Variants in GBF1 observed in about 807,000 individuals in gnomAD.
GBF1 encodes the protein Golgi-specific brefeldin A-resistance guanine nucleotide exchange factor 1.
Under a neutral mutation model 210.5 loss-of-function variants are expected in GBF1, and 114 were observed. The observed-to-expected ratio is 0.54, with a 90% CI of 0.47 to 0.63. The LOEUF (loss-of-function observed/expected upper bound fraction) is 0.63, where lower values mean the gene tolerates loss of function less well. Among genes scored for constraint, GBF1 ranks in the 30% least tolerant of loss-of-function variants. GBF1 has a pLI of 0.00. For missense variants in GBF1, 1,851 were observed against 2,357.7 expected, an observed-to-expected ratio of 0.79 and a Z score of 4.45; for synonymous variants, 850 against 889.2, an observed-to-expected ratio of 0.96 and a Z score of 0.78.
intron 3 of GBF1, among the ~76,000 whole-genome samples, chr10:102,324,374 G>A (rs563497007): frequency 4.6e-5 from 7 of 152,316 alleles, no homozygotes; most frequent in Admixed American, 3.3e-4. Flanking sequence ...TGTAGGGAAT[G>A]CCAGGGGCTA....
At chr10:102,276,539 A>C (rs1209673132) in intron 3 of GBF1, among the ~76,000 whole-genome samples, 2 of 151,988 alleles carry the variant, frequency 1.3e-5, no homozygotes, top group African/African-American at 4.8e-5. Flanking sequence ...AAAAAAAAAA[A>C]AAAAAATGTT....
intron 3 of GBF1, among the ~76,000 whole-genome samples, chr10:102,308,618 C>T (rs528626597): frequency 4.6e-4 from 70 of 151,004 alleles, no homozygotes; most frequent in Admixed American, 1.6e-3. Flanking sequence ...AGTAAACTAT[C>T]GCAAGGACAA....
chr10:102,357,793 C>T (rs2059378639), intron 8 of GBF1, among the ~76,000 whole-genome samples: 1 of 152,176 alleles, frequency 6.6e-6, no homozygotes, highest in Non-Finnish European at 1.5e-5. Context: ...ACTGGCCCTA[C>T]CAATGACCAG....
chr10:102,262,413 A>G (rs1037077756), intron 3 of GBF1, among the ~76,000 whole-genome samples: 13 of 152,140 alleles, frequency 8.5e-5, no homozygotes, highest in Admixed American at 8.5e-4. Flanking sequence ...ATGGAGATTT[A>G]CAGTTCTTTT....
the GBF1 span, among the ~76,000 whole-genome samples, chr10:102,236,005 C>T: frequency 6.6e-6 from 1 of 152,142 alleles, no homozygotes; most frequent in African/African-American, 2.4e-5. Flanking sequence ...AGAGGAGCCA[C>T]AGCTGAGAAG....
chr10:102,327,850 T>TG (rs2134266717), intron 3 of GBF1, among the ~76,000 whole-genome samples: 1 of 152,314 alleles, frequency 6.6e-6, no homozygotes, highest in African/African-American at 2.4e-5. Context: ...CAGACAGTGT[T>TG]GGGGAAACAG....
chr10:102,325,431 T>C (rs1450479974), intron 3 of GBF1, among the ~76,000 whole-genome samples: 1 of 151,628 alleles, frequency 6.6e-6, no homozygotes, highest in Admixed American at 6.6e-5. Context: ...GCACCTGTAA[T>C]GCCAGCTCCT....
chr10:102,241,631 C>T (rs1320258119), upstream of GBF1, among the ~76,000 whole-genome samples: 1 of 152,248 alleles, frequency 6.6e-6, no homozygotes, highest in African/African-American at 2.4e-5. This position sits in a 1 kb window ranked among gnomAD's most constrained non-coding sequence, Gnocchi z 6.7. Context: ...TCCGCCCTTT[C>T]CAGCTGTGGA....
In GBF1 at chr10:102,370,721, G is replaced by A. The variant is rs2060161524; in HGVS notation, c.3521G>A (p.Cys1174Tyr). ...TGTCTACACAGGGATCGTGTGGGCT[G>A]TGTGTGGCAGACTGTTCGAGACCAT... ...IVLENRDRVG[C>Y]VWQTVRDHLY... The change falls in exon 29 of 40, where the codon TGT becomes TAT. Residue 1174 changes from cysteine (C) to tyrosine (Y), a missense_variant. Around this residue, in one of 3 missense-constraint regions of GBF1, gnomAD observed 967 missense variants for 1,247.7 expected, o/e 0.78. Coordinates refer to ENST00000369983, the MANE Select transcript of GBF1 (RefSeq NM_001377137.1). 1 of 1,614,042 alleles carries A rather than the reference G, an allele frequency of 6.2e-7. No individual in the cohort carries two copies. Among genetic ancestry groups the A allele is most frequent in the Non-Finnish European group, 8.5e-7 (1 of 1,179,892 alleles).
chr10:102,359,381 A>G lies in GBF1; in HGVS notation c.1126A>G (p.Met376Val), dbSNP rs1239609120. ...DHSDSASVHD[M>V]DYVNPRGVRF... ...CTCTGACTCTGCCTCTGTCCATGAC[A>G]TGGATTACGTCAATCCCCGGGGCGT... Residue 376 changes from methionine (M) to valine (V), a missense_variant, in exon 11 of 40, where the codon ATG becomes GTG. Physicochemically the swap from Met to Val is conservative, Grantham distance 21. Transcript: ENST00000369983. 1.9e-6 allele frequency: 3 copies of G among 1,613,792 alleles called. No individual in the cohort carries two copies. The highest frequency in any genetic ancestry group is 1.7e-5 in the Admixed American group (1 of 60,026).
At chr10:102,246,973 T>A (rs1343784501) in intron 1 of GBF1, among the ~76,000 whole-genome samples, 1 of 152,202 alleles carries the variant, frequency 6.6e-6, no homozygotes, top group African/African-American at 2.4e-5. Context: ...TGTAGTAGGT[T>A]AAGAGCAGGA....
rs144630206 is a variant in GBF1, at chr10:102,342,389, GCA to G, written c.164-1644_164-1643del. Reference sequence around the variant, plus strand: ...ATGTATTTCAGTTTTTCACACACACGCACACACACACACACACACTCACACAC... The same window carrying G: ...ATGTATTTCAGTTTTTCACACACACGCACACACACACACACACTCACACAC... On this transcript the variant is annotated intron_variant, in intron 3 of 39. Coordinates refer to ENST00000369983, the MANE Select transcript of GBF1 (RefSeq NM_001377137.1). 6.1e-3 allele frequency among the ~76,000 whole-genome samples: 872 copies of G among 143,724 alleles called. 4 individuals are homozygous for G. The highest frequency in any genetic ancestry group is 9.1e-3 in the African/African-American group (336 of 37,040). 94.3% of individuals were successfully genotyped at this position (143,724 alleles called of 152,430 possible). A position where few individuals can be genotyped will look rare whatever the true frequency, so the allele number is the denominator to read the frequency against.
rs58999096 is a variant in GBF1, at chr10:102,289,105, G to GA, written c.163+29005dup. ...GTGACAGAGCAAAGACTCTGTCTCAGAAAAAAAAAAAAAAAAGCCTTAGGA... is the reference window on the plus strand; with the variant it reads ...GTGACAGAGCAAAGACTCTGTCTCAGAAAAAAAAAAAAAAAAAGCCTTAGGA... On this transcript the variant is annotated intron_variant, in intron 3 of 39. Coordinates refer to ENST00000369983, the MANE Select transcript of GBF1 (RefSeq NM_001377137.1). Among the ~76,000 whole-genome samples, 224 of 118,128 alleles carry GA rather than the reference G, an allele frequency of 1.9e-3. 1 individual carries two copies. The highest frequency in any genetic ancestry group is 4.5e-3 in the South Asian group (18 of 4,008). The allele number at this position is 118,128 out of a possible 152,430, so 77.5% of individuals were successfully genotyped here.
chr10:102,324,270 A>T (rs1040928696), intron 3 of GBF1, among the ~76,000 whole-genome samples: 1 of 152,236 alleles, frequency 6.6e-6, no homozygotes, highest in African/African-American at 2.4e-5. Flanking sequence ...GTTGCTCAAC[A>T]GAATGGGTGT....
At chr10:102,253,112 C>G (rs1192827745) in intron 1 of GBF1, among the ~76,000 whole-genome samples, 1 of 152,072 alleles carries the variant, frequency 6.6e-6, no homozygotes, top group African/African-American at 2.4e-5. Context: ...CCAGGCTGGT[C>G]TCAAACTCCT....
chr10:102,331,015 C>T (rs1007917781), intron 3 of GBF1, among the ~76,000 whole-genome samples: 3 of 152,022 alleles, frequency 2.0e-5, no homozygotes, highest in African/African-American at 4.8e-5. Context: ...AGCAAGGAGA[C>T]GATGGCAAAA....
intron 3 of GBF1, among the ~76,000 whole-genome samples, chr10:102,272,292 A>G (rs1005826791): frequency 2.0e-5 from 3 of 152,082 alleles, no homozygotes; most frequent in Non-Finnish European, 4.4e-5. Flanking sequence ...GTTAGTAGAG[A>G]CAGAGTTTCG....
intron 3 of GBF1, among the ~76,000 whole-genome samples, chr10:102,266,591 C>G (rs2073897526): frequency 6.6e-6 from 1 of 152,178 alleles, no homozygotes; most frequent in Admixed American, 6.6e-5. Context: ...GAATGGATGA[C>G]CATGAGTGAG....
chr10:102,252,441 G>A (rs141681616), intron 1 of GBF1, among the ~76,000 whole-genome samples: 1 of 152,242 alleles, frequency 6.6e-6, no homozygotes, highest in African/African-American at 2.4e-5. Flanking sequence ...TTGACTTTTG[G>A]ATGGAATGAG....
Sources: allele counts gnomAD v4.1 joint callset (sites outside exome capture counted in the v4.1 genomes callset), GRCh38; gene constraint gnomAD v4.1.1; regional missense constraint gnomAD v4.1.1; non-coding constraint Gnocchi (gnomAD v3.1); transcripts MANE v1.5; gene names NCBI Gene and HGNC (gene_info 2026-07-23, HGNC 2026-07-21).